PGGT1B: variants seen among roughly 807,000 people sequenced by gnomAD.
PGGT1B encodes protein geranylgeranyltransferase type I subunit beta, also known as geranylgeranyl transferase type-1 subunit beta.
PGGT1B carries 30 observed loss-of-function variants against 46.1 expected under a neutral mutation model. That is an observed-to-expected ratio of 0.65 (90% CI 0.49 to 0.88). The LOEUF (loss-of-function observed/expected upper bound fraction) is 0.88, where lower values mean the gene tolerates loss of function less well. Among genes scored for constraint, PGGT1B ranks in the 40% least tolerant of loss-of-function variants. The pLI, the probability that PGGT1B is intolerant of heterozygous loss-of-function variation, is 0.00. For missense variants in PGGT1B, 376 were observed against 455.9 expected, an observed-to-expected ratio of 0.82 and a Z score of 1.60; for synonymous variants, 170 against 160.0, an observed-to-expected ratio of 1.06 and a Z score of -0.47.
Position 115,241,589 on chromosome 5 carries a change from A to C in PGGT1B, c.277T>G (p.Cys93Gly). The change falls in exon 3 of 9, where the codon TGT (cysteine) becomes GGT (glycine). Residue 93 changes from cysteine (C) to glycine (G), a missense_variant. Cys to Gly is a radical substitution (Grantham distance 159, BLOSUM62 -3). Around this residue, in one of 2 missense-constraint regions of PGGT1B, gnomAD observed 154 missense variants for 142.3 expected, o/e 1.08. Transcript: ENST00000419445. ...PTEDRSNLNR[C>G]GFRGSSYLGI... Reference sequence around the variant, plus strand: ...AGGTATGAAGAGCCTCGGAAACCACAGCGATTTAGATTTGATCCTAGAAAA... The same window carrying C: ...AGGTATGAAGAGCCTCGGAAACCACCGCGATTTAGATTTGATCCTAGAAAA... 4 of 1,608,696 alleles carry C rather than the reference A, an allele frequency of 2.5e-6. No homozygotes were observed. The highest frequency in any genetic ancestry group is 3.4e-6 in the Non-Finnish European group (4 of 1,177,086).
chr5:115,258,844 C>T (rs1035648354), intron 1 of PGGT1B, among the ~76,000 whole-genome samples: 17 of 152,162 alleles, frequency 1.1e-4, no homozygotes, highest in East Asian at 1.9e-4. Context: ...GCAGCATCTC[C>T]GGCTCACACT....
At chr5:115,261,653 G>C (rs1473530900) in intron 1 of PGGT1B, among the ~76,000 whole-genome samples, 1 of 152,198 alleles carries the variant, frequency 6.6e-6, no homozygotes, top group African/African-American at 2.4e-5. Context: ...CCTTTGTGAA[G>C]TTTATAATCC....
intron 2 of PGGT1B, among the ~76,000 whole-genome samples, chr5:115,249,429 G>C (rs111437688): frequency 1.3e-5 from 2 of 152,118 alleles, no homozygotes; most frequent in African/African-American, 4.8e-5. Context: ...TCCCTGACGC[G>C]GGTGGCCCCT....
At position 115,210,166 on chromosome 5, in the gene PGGT1B, A is replaced by G. The variant is rs912606032; in HGVS notation, c.*2236T>C. 1 of 152,076 alleles carries G rather than the reference A, an allele frequency of 6.6e-6. No individual in the cohort carries two copies. The highest frequency in any genetic ancestry group is 6.6e-5 in the Admixed American group (1 of 15,250). The allele number at this position is 152,076 out of a possible 1,614,324, so 9.4% of individuals were successfully genotyped here. Reference sequence around the variant, plus strand: ...AATCTCATTTGTACACAGATGCTCAAAATAAAGCTCCTCCTCCTACCTTCT... The same window carrying G: ...AATCTCATTTGTACACAGATGCTCAGAATAAAGCTCCTCCTCCTACCTTCT... On this transcript the variant is annotated 3_prime_UTR_variant, in exon 9 of 9. Transcript: ENST00000419445.
At chr5:115,259,292 G>T (rs1748450387) in intron 1 of PGGT1B, among the ~76,000 whole-genome samples, 1 of 152,194 alleles carries the variant, frequency 6.6e-6, no homozygotes, top group African/African-American at 2.4e-5. Context: ...ATGAAGGTCT[G>T]GGAAGGGGCC....
chr5:115,254,438 A>G (rs578253816), intron 1 of PGGT1B, among the ~76,000 whole-genome samples: 1 of 152,198 alleles, frequency 6.6e-6, no homozygotes, highest in African/African-American at 2.4e-5. Flanking sequence ...AATTTTGTGC[A>G]TGAAACAAAG....
chr5:115,222,462 C>T (rs1294449100), intron 6 of PGGT1B, among the ~76,000 whole-genome samples: 4 of 152,118 alleles, frequency 2.6e-5, no homozygotes, highest in African/African-American at 9.7e-5. Context: ...TATACAGATA[C>T]TACAACTAGT....
intron 1 of PGGT1B, among the ~76,000 whole-genome samples, chr5:115,253,604 G>C (rs555956155): frequency 1.3e-5 from 2 of 152,002 alleles, no homozygotes; most frequent in Non-Finnish European, 2.9e-5. Flanking sequence ...ACAGGACTTA[G>C]AAATATGTGA....
At chr5:115,212,683 A>T (rs1191440543) in intron 8 of PGGT1B, 100 bp from the exon 9 acceptor site, 1 of 761,066 alleles carries the variant, frequency 1.3e-6, no homozygotes, top group Non-Finnish European at 2.1e-6. Flanking sequence ...CTCCATTAAA[A>T]GTAAGTTTAG....
At chr5:115,234,442 T>C (rs138660674) in intron 5 of PGGT1B, among the ~76,000 whole-genome samples, 1 of 151,974 alleles carries the variant, frequency 6.6e-6, no homozygotes, top group Admixed American at 6.6e-5. Flanking sequence ...TATATCTTTT[T>C]GTATAGTTCT....
In PGGT1B at chr5:115,224,143, A is replaced by G. The variant is rs180955984; in HGVS notation, c.659-2135T>C. On this transcript the variant is annotated intron_variant, in intron 6 of 8. Coordinates refer to ENST00000419445, the MANE Select transcript of PGGT1B (RefSeq NM_005023.4). ...AAAAATTATTACAACCTTTTAAAAT[A>G]ATTTCTATTAAGCAACTAGTAATCT... 6.8e-3 allele frequency among the ~76,000 whole-genome samples: 1,031 copies of G among 152,280 alleles called. 15 individuals carry two copies. The highest frequency in any genetic ancestry group is 0.024 in the African/African-American group (989 of 41,554).
intron 6 of PGGT1B, among the ~76,000 whole-genome samples, chr5:115,226,588 C>T (rs549605963): frequency 7.2e-5 from 11 of 151,772 alleles, no homozygotes; most frequent in Non-Finnish European, 1.6e-4. Context: ...GAGAAAGGCA[C>T]ACGAAGAAAC....
intron 4 of PGGT1B, 150 bp downstream of exon 4, chr5:115,237,708 G>C: frequency 2.0e-6 from 1 of 500,766 alleles, no homozygotes; most frequent in Non-Finnish European, 3.3e-6. Flanking sequence ...TCACTTTTTT[G>C]ACTATGCACT....
At chr5:115,225,070 A>C (rs1399045677) in intron 6 of PGGT1B, among the ~76,000 whole-genome samples, 2 of 152,180 alleles carry the variant, frequency 1.3e-5, no homozygotes, top group African/African-American at 4.8e-5. Context: ...ACAATACTAG[A>C]ATTGTTCTTT....
intron 2 of PGGT1B, among the ~76,000 whole-genome samples, chr5:115,248,517 T>C (rs1747950968): frequency 6.6e-6 from 1 of 152,186 alleles, no homozygotes; most frequent in Non-Finnish European, 1.5e-5. Flanking sequence ...ACCCATTGTG[T>C]TTCCCGAATA....
intron 8 of PGGT1B, 49 bp from the exon 9 acceptor site, chr5:115,212,632 A>G (rs767105272): frequency 1.6e-6 from 2 of 1,265,696 alleles, no homozygotes; most frequent in Middle Eastern, 2.0e-4. Context: ...TTACTTGTAC[A>G]TTCTACAGAA....
In PGGT1B at chr5:115,209,129, T is replaced by C. The variant is rs537898711; in HGVS notation, c.*3273A>G. 6.6e-6 allele frequency: 1 copy of C among 152,150 alleles called. No homozygotes were observed. Among genetic ancestry groups the C allele is most frequent in the South Asian group, 2.1e-4 (1 of 4,826 alleles). 9.4% of individuals were successfully genotyped at this position (152,150 alleles called of 1,614,324 possible). On this transcript the variant is annotated 3_prime_UTR_variant, in exon 9 of 9. Coordinates refer to ENST00000419445, the MANE Select transcript of PGGT1B (RefSeq NM_005023.4). ...AGTGATTTAAAAGAATATATATATA[T>C]ATGAAAATACACATATATAATGTCT...
chr5:115,224,092 CTT>C (rs1756681460), intron 6 of PGGT1B, among the ~76,000 whole-genome samples: 1 of 145,552 alleles, frequency 6.9e-6, no homozygotes, highest in Non-Finnish European at 1.5e-5. Context: ...CTATGTTAGT[CTT>C]GAGTGAATCA....
At chr5:115,231,988 A>T (rs1757000659) in intron 5 of PGGT1B, among the ~76,000 whole-genome samples, 1 of 152,100 alleles carries the variant, frequency 6.6e-6, no homozygotes, top group Non-Finnish European at 1.5e-5. Flanking sequence ...GTCATTGCTC[A>T]TGTTATTCAG....
Sources: gnomAD v4.1 joint callset for allele counts (sites outside exome capture counted in the v4.1 genomes callset) on GRCh38, gnomAD v4.1.1 for gene constraint, gnomAD v4.1.1 regional missense constraint, MANE v1.5 for transcripts, NCBI Gene and HGNC (gene_info 2026-07-23, HGNC 2026-07-21) for gene names.